The following OR6N1 variants were observed in gnomAD, a reference collection of about 807,000 sequenced individuals.
OR6N1 encodes the protein olfactory receptor 6N1.
For missense variants in OR6N1, 394 were observed against 371.7 expected (o/e 1.06, Z -0.49); for synonymous variants, 170 against 150.7 (o/e 1.13, Z -0.94).
the OR6N1 span, among the ~76,000 whole-genome samples, chr1:158,810,555 G>T: frequency 6.6e-6 from 1 of 152,150 alleles, no homozygotes; most frequent in African/African-American, 2.4e-5. Flanking sequence ...TCTCAAGTCT[G>T]CAACCCTCGC....
At chr1:158,776,606 T>G (rs377532935), upstream of OR6N1, 2 of 762,934 alleles carry the variant, frequency 2.6e-6, no homozygotes, top group Non-Finnish European at 4.3e-6. Context: ...ATTCAGAGCA[T>G]GTGTGATGAT....
the OR6N1 span, among the ~76,000 whole-genome samples, chr1:158,781,931 C>T: frequency 1.3e-5 from 2 of 152,198 alleles, no homozygotes; most frequent in Non-Finnish European, 2.9e-5. Context: ...AAAACTGAAG[C>T]ACAGAGAGTT....
In OR6N1 at chr1:158,766,528, T is replaced by C. The variant is rs761216695; in HGVS notation, c.155A>G (p.Asp52Gly). Residue 52 changes from aspartate (D) to glycine (G), a missense_variant, in exon 2 of 2, where the codon GAC (aspartate) becomes GGC (glycine). Coordinates refer to ENST00000641846, the MANE Select transcript of OR6N1 (RefSeq NM_001005185.2). ...GTACATGGGTGTGTGAAGCCGGGAG[T>C]CCAGGCAGACCACCAGGAATATCAG... is the stretch of plus-strand genomic sequence containing the variant. ...NLLIFLVVCL[D>G]SRLHTPMYHF... 1.9e-6 allele frequency: 3 copies of C among 1,612,834 alleles called. No homozygotes were observed. The South Asian group carries it at 3.3e-5, about 18-fold the overall frequency.
chr1:158,765,454 AT>A lies in OR6N1; in HGVS notation c.*289del, dbSNP rs1341178471. 1.1e-5 allele frequency: 3 copies of A among 279,230 alleles called. No homozygotes were observed. The highest frequency in any genetic ancestry group is 9.4e-5 in the Admixed American group (2 of 21,252). The allele number at this position is 279,230 out of a possible 1,614,324, so 17.3% of individuals were successfully genotyped here. ...TAAACGTATAATAGGTAAGACACAGATTTTAAAAAAAACCTAAGTGTGATAC... is the reference window on the plus strand; with the variant it reads ...TAAACGTATAATAGGTAAGACACAGATTTAAAAAAAACCTAAGTGTGATAC... On this transcript the variant is annotated 3_prime_UTR_variant, in exon 2 of 2. Coordinates refer to ENST00000641846, the MANE Select transcript of OR6N1 (RefSeq NM_001005185.2).
At chr1:158,820,029 G>A in the OR6N1 span, among the ~76,000 whole-genome samples, 1 of 152,198 alleles carries the variant, frequency 6.6e-6, no homozygotes, top group East Asian at 1.9e-4. Context: ...TTGACAGCAA[G>A]CCAGTCATAA....
At chr1:158,776,994 G>A (rs1290583767), upstream of OR6N1, 3 of 1,614,112 alleles carry the variant, frequency 1.9e-6, no homozygotes, top group Admixed American at 3.3e-5. Context: ...AAGAAATCAT[G>A]ATAAAGAAGA....
chr1:158,772,413 T>G (rs1657444471), upstream of OR6N1, among the ~76,000 whole-genome samples: 1 of 152,176 alleles, frequency 6.6e-6, no homozygotes, highest in African/African-American at 2.4e-5. Flanking sequence ...CCAGTCCAAG[T>G]TGAGATAGAA....
the OR6N1 span, among the ~76,000 whole-genome samples, chr1:158,825,794 T>C: frequency 5.3e-5 from 8 of 152,148 alleles, no homozygotes; most frequent in Admixed American, 6.5e-5. Flanking sequence ...CAAAGGAATA[T>C]ACATCCCTCT....
the OR6N1 span, among the ~76,000 whole-genome samples, chr1:158,791,660 G>C: frequency 6.6e-6 from 1 of 151,904 alleles, no homozygotes; most frequent in Admixed American, 6.6e-5. Context: ...AGTAGAGATG[G>C]GGTTTCACCA....
At chr1:158,785,330 T>C in the OR6N1 span, among the ~76,000 whole-genome samples, 1 of 152,314 alleles carries the variant, frequency 6.6e-6, no homozygotes, top group Non-Finnish European at 1.5e-5. Flanking sequence ...TTCCTTCTTA[T>C]GTATTAAACT....
At chr1:158,778,383 A>T in the OR6N1 span, among the ~76,000 whole-genome samples, 2 of 152,228 alleles carry the variant, frequency 1.3e-5, no homozygotes, top group African/African-American at 4.8e-5. Flanking sequence ...TGAATTTTCC[A>T]AGAAGATCTG....
chr1:158,800,330 GA>G, the OR6N1 span, among the ~76,000 whole-genome samples: 60 of 148,980 alleles, frequency 4.0e-4, 1 homozygote, highest in Middle Eastern at 0.014. Context: ...ACCTAGGAAA[GA>G]AAAAAAAAAT....
chr1:158,777,408 G>A, the OR6N1 span: 1 of 1,613,996 alleles, frequency 6.2e-7, no homozygotes, highest in Admixed American at 1.7e-5. Context: ...TAGGGATAGT[G>A]GTAGCTGTAT....
chr1:158,814,218 C>T, the OR6N1 span, among the ~76,000 whole-genome samples: 2 of 151,914 alleles, frequency 1.3e-5, no homozygotes, highest in African/African-American at 4.8e-5. Flanking sequence ...GATGCCTCTG[C>T]AGAGTTTGTG....
At chr1:158,772,932 G>T (rs146713827), upstream of OR6N1, among the ~76,000 whole-genome samples, 363 of 152,150 alleles carry the variant, frequency 2.4e-3, no homozygotes, top group Non-Finnish European at 4.4e-3. Context: ...CTGCATACAT[G>T]TATCAAAACA....
At chr1:158,797,367 CG>C in the OR6N1 span, among the ~76,000 whole-genome samples, 6 of 152,134 alleles carry the variant, frequency 3.9e-5, no homozygotes, top group African/African-American at 9.7e-5. Context: ...CATGACAAAT[CG>C]GGGGGAAAGC....
the OR6N1 span, among the ~76,000 whole-genome samples, chr1:158,827,295 A>G: frequency 6.6e-6 from 1 of 152,202 alleles, no homozygotes. Context: ...TGCCTAGCAA[A>G]GAAAATTTTT....
the OR6N1 span, among the ~76,000 whole-genome samples, chr1:158,783,832 C>T: frequency 2.0e-4 from 31 of 152,212 alleles, no homozygotes; most frequent in Admixed American, 6.5e-4. Context: ...AGGGACTGGG[C>T]GCGGTGGCTC....
At chr1:158,769,101 A>C (rs1196555287) in intron 1 of OR6N1, among the ~76,000 whole-genome samples, 2 of 152,178 alleles carry the variant, frequency 1.3e-5, no homozygotes, top group African/African-American at 4.8e-5. Flanking sequence ...ATGCAGTAGG[A>C]GTTACAAGCC....
Sources: gnomAD v4.1 joint callset for allele counts (sites outside exome capture counted in the v4.1 genomes callset) on GRCh38, gnomAD v4.1.1 for gene constraint, MANE v1.5 for transcripts, NCBI Gene and HGNC (gene_info 2026-07-23, HGNC 2026-07-21) for gene names.